The following SNPH variants were observed in gnomAD, a reference collection of about 807,000 sequenced individuals.
The protein encoded by SNPH is syntaphilin.
In SNPH, 10 loss-of-function variants were observed where a neutral mutation model predicts 36.8. The observed-to-expected ratio is 0.27, with a 90% CI of 0.17 to 0.46. The LOEUF is 0.46. Among genes scored for constraint, SNPH ranks in the 20% least tolerant of loss-of-function variants. The pLI, the probability that SNPH is intolerant of heterozygous loss-of-function variation, is 1.00. For synonymous variants in SNPH, 281 were observed against 312.2 expected, an observed-to-expected ratio of 0.90 and a Z score of 1.05; for missense variants, 622 against 744.0, an observed-to-expected ratio of 0.84 and a Z score of 1.91.
At chr20:1,280,767 A>G (rs919769414) in intron 2 of SNPH, among the ~76,000 whole-genome samples, 1 of 152,218 alleles carries the variant, frequency 6.6e-6, no homozygotes, top group African/African-American at 2.4e-5. Flanking sequence ...TGGGGTTCTC[A>G]GAACTGTCAG....
intron 2 of SNPH, among the ~76,000 whole-genome samples, chr20:1,286,089 T>TA (rs11475556): frequency 0.034 from 3,435 of 100,396 alleles, 93 homozygotes; most frequent in Admixed American, 0.082. Flanking sequence ...GACTCCATCT[T>TA]AAAAAAAAAA....
intron 2 of SNPH, among the ~76,000 whole-genome samples, chr20:1,278,610 A>G (rs1006233163): frequency 2.0e-5 from 3 of 152,218 alleles, no homozygotes; most frequent in African/African-American, 7.2e-5. Flanking sequence ...TATAATATGC[A>G]CATTTTTGGT....
rs1455547413 is a variant in SNPH at position 1,304,622 on chromosome 20, T to A, written c.441-256T>A. Among the ~76,000 whole-genome samples, 1 of 151,876 alleles carries A rather than the reference T, an allele frequency of 6.6e-6. No individual in the cohort carries two copies. The highest frequency in any genetic ancestry group is 1.9e-4 in the East Asian group (1 of 5,180). On this transcript the variant is annotated intron_variant, in intron 6 of 6. Coordinates refer to ENST00000381867, the MANE Select transcript of SNPH (RefSeq NM_001318234.2). This position sits in a 1 kb window ranked among gnomAD's most constrained non-coding sequence, Gnocchi z 4.3. ...GGTGGGGTGGGGGAGGGAATGCGAG[T>A]GGTGTCTCCTCCCAACCTTTCTTCT...
chr20:1,267,169 A>G (rs1301672736), intron 2 of SNPH, among the ~76,000 whole-genome samples: 6 of 150,172 alleles, frequency 4.0e-5, no homozygotes, highest in Non-Finnish European at 1.5e-5. Flanking sequence ...TCAAGTGCCA[A>G]TGACTGCTTC....
In SNPH at chr20:1,308,924, G is replaced by T. The variant is rs1456459104; in HGVS notation, c.*2870G>T. 6.6e-6 allele frequency: 1 copy of T among 152,322 alleles called. No individual in the cohort carries two copies. The highest frequency in any genetic ancestry group is 1.9e-4 in the East Asian group (1 of 5,202). The allele number at this position is 152,322 out of a possible 1,614,324, so 9.4% of individuals were successfully genotyped here. ...GCTCAGGCAGGAATCGGACGCTGGG[G>T]CCCGGGCTCTGCACAGAGAGCTGGG... is the stretch of plus-strand genomic sequence containing the variant. On this transcript the variant is annotated 3_prime_UTR_variant, in exon 7 of 7. Coordinates refer to ENST00000381867, the MANE Select transcript of SNPH (RefSeq NM_001318234.2).
chr20:1,288,167 G>A (rs771624810), intron 2 of SNPH, among the ~76,000 whole-genome samples: 2 of 152,232 alleles, frequency 1.3e-5, no homozygotes, highest in African/African-American at 2.4e-5. Flanking sequence ...GCTGATGTCC[G>A]CTGAGGTGAT....
At chr20:1,288,928 T>C (rs749856773) in intron 2 of SNPH, among the ~76,000 whole-genome samples, 8 of 152,184 alleles carry the variant, frequency 5.3e-5, no homozygotes, top group Non-Finnish European at 1.0e-4. Flanking sequence ...GGCCAAGAAT[T>C]TCTTTTTAAA....
chr20:1,266,445 C>T lies in SNPH; in HGVS notation c.-600+48C>T. ...TCTCCGGGCCCACCGCCCAGCTGCA[C>T]CCGCCGCAGTCCAGAGTGCCGAGTG... is the stretch of plus-strand genomic sequence containing the variant. On this transcript the variant is annotated intron_variant, in intron 1 of 6. Transcript: ENST00000381867. The surrounding 1 kb of genome is among the most constrained non-coding windows in gnomAD (Gnocchi z 6.0). The T allele has an allele frequency of 1.6e-6, 1 of 621,980 alleles. No individual in the cohort carries two copies. The highest frequency in any genetic ancestry group is 3.5e-5 in the East Asian group (1 of 28,356). 38.5% of individuals were successfully genotyped at this position (621,980 alleles called of 1,614,324 possible).
At chr20:1,278,202 GTGTC>G (rs1160265386) in intron 2 of SNPH, among the ~76,000 whole-genome samples, 3 of 151,386 alleles carry the variant, frequency 2.0e-5, no homozygotes, top group South Asian at 2.1e-4. Flanking sequence ...CTCTGTGTCA[GTGTC>G]TGTGTGTGTG....
At position 1,308,051 on chromosome 20, in the gene SNPH, ATCTC is replaced by A. The variant is rs1247050618; in HGVS notation, c.*2001_*2004del. 1 of 152,596 alleles carries A rather than the reference ATCTC, an allele frequency of 6.6e-6. No individual in the cohort carries two copies. Among genetic ancestry groups the A allele is most frequent in the Non-Finnish European group, 1.5e-5 (1 of 68,086 alleles). 9.5% of individuals were successfully genotyped at this position (152,596 alleles called of 1,614,324 possible). A position where few individuals can be genotyped will look rare whatever the true frequency, so the allele number is the denominator to read the frequency against. On this transcript the variant is annotated 3_prime_UTR_variant, in exon 7 of 7. Transcript: ENST00000381867. ...TATGAACTATATTTGACAACATAAA[ATCTC>A]TCTATTTTTCACCACTGGAATTTAG...
At chr20:1,293,011 T>A (rs2088383199) in intron 2 of SNPH, among the ~76,000 whole-genome samples, 1 of 152,248 alleles carries the variant, frequency 6.6e-6, no homozygotes. Context: ...TGATAGGCAC[T>A]GACCTAAGCC....
rs1339480419 is a variant in SNPH, at chr20:1,276,937, G to A, written c.-493+10177G>A. 2.0e-5 allele frequency among the ~76,000 whole-genome samples: 3 copies of A among 152,166 alleles called. No homozygotes were observed. Among genetic ancestry groups the A allele is most frequent in the Non-Finnish European group, 2.9e-5 (2 of 68,036 alleles). On this transcript the variant is annotated intron_variant, in intron 2 of 6. Coordinates refer to ENST00000381867, the MANE Select transcript of SNPH (RefSeq NM_001318234.2). The surrounding 1 kb of genome is among the most constrained non-coding windows in gnomAD (Gnocchi z 4.6). Reference sequence around the variant, plus strand: ...CTCGTTGGTCAATTATTAGAAATCAGTTGGGGTTCGGCTTGGATGTCTGTT... The same window carrying A: ...CTCGTTGGTCAATTATTAGAAATCAATTGGGGTTCGGCTTGGATGTCTGTT...
rs763549663 is a variant in SNPH at position 1,305,309 on chromosome 20, C to T, written c.872C>T (p.Ala291Val). Residue 291 changes from alanine to valine, a missense_variant, in exon 7 of 7, where the codon GCA becomes GTA. This residue lies in a region of SNPH where 379 missense variants were observed against 427.9 expected (regional missense o/e 0.89). Transcript: ENST00000381867. ...GATGGGGCAGACAGTGGCTTTGCAG[C>T]AGCCGATGACACACTGAGCCGGACG... ...AEDGADSGFA[A>V]ADDTLSRTDA... 2 of 1,610,172 alleles carry T rather than the reference C, an allele frequency of 1.2e-6. No individual in the cohort carries two copies. Among genetic ancestry groups the T allele is most frequent in the Non-Finnish European group, 1.7e-6 (2 of 1,179,440 alleles).
At chr20:1,269,064 G>A (rs1334781629) in intron 2 of SNPH, among the ~76,000 whole-genome samples, 1 of 152,134 alleles carries the variant, frequency 6.6e-6, no homozygotes, top group Non-Finnish European at 1.5e-5. Context: ...GCCATTTTCT[G>A]TGTTTGAGGG....
Position 1,266,524 on chromosome 20 carries a change from G to A in SNPH, c.-600+127G>A, listed in dbSNP as rs966000422. 17 of 1,309,132 alleles carry A rather than the reference G, an allele frequency of 1.3e-5. No individual in the cohort carries two copies. The highest frequency in any genetic ancestry group is 4.2e-5 in the Admixed American group (1 of 24,044). 81.1% of individuals were successfully genotyped at this position (1,309,132 alleles called of 1,614,324 possible). A position where few individuals can be genotyped will look rare whatever the true frequency, so the allele number is the denominator to read the frequency against. ...GCGAGGAGGAGGGGACGGAGCACCC[G>A]GCAGGCAGCCTGCCCTCCAAGCCTT... is the stretch of plus-strand genomic sequence containing the variant. On this transcript the variant is annotated intron_variant, in intron 1 of 6. Transcript: ENST00000381867. The surrounding 1 kb of genome is among the most constrained non-coding windows in gnomAD (Gnocchi z 6.0).
At chr20:1,270,967 A>G (rs1328877155) in intron 2 of SNPH, among the ~76,000 whole-genome samples, 2 of 152,220 alleles carry the variant, frequency 1.3e-5, no homozygotes, top group Non-Finnish European at 2.9e-5. Context: ...GTGCTGTGGG[A>G]AGTCTCGATG....
intron 5 of SNPH, among the ~76,000 whole-genome samples, chr20:1,300,160 G>C (rs1001099015): frequency 1.3e-5 from 2 of 152,206 alleles, no homozygotes; most frequent in Non-Finnish European, 2.9e-5. Context: ...GGGATTGTCT[G>C]AGGGGCTCGG....
At chr20:1,291,277 C>T (rs944306357) in intron 2 of SNPH, among the ~76,000 whole-genome samples, 4 of 152,206 alleles carry the variant, frequency 2.6e-5, no homozygotes, top group Non-Finnish European at 2.9e-5. Flanking sequence ...GAGAAGAAGT[C>T]GGATGGCGCC....
At chr20:1,267,974 A>C (rs2088028341) in intron 2 of SNPH, among the ~76,000 whole-genome samples, 2 of 152,264 alleles carry the variant, frequency 1.3e-5, no homozygotes, top group African/African-American at 4.8e-5. Flanking sequence ...TGCCTGGCAC[A>C]TAGTAGGTTC....
Sources: gnomAD v4.1 joint callset for allele counts (sites outside exome capture counted in the v4.1 genomes callset) on GRCh38, gnomAD v4.1.1 for gene constraint, gnomAD v4.1.1 regional missense constraint, Gnocchi (gnomAD v3.1) non-coding constraint, MANE v1.5 for transcripts, NCBI Gene and HGNC (gene_info 2026-07-23, HGNC 2026-07-21) for gene names.